The following PRDM10 variants were observed in gnomAD, a reference collection of about 807,000 sequenced individuals.
The protein encoded by PRDM10 is PR/SET domain 10.
In PRDM10, 65 loss-of-function variants were observed where a neutral mutation model predicts 133.1. That is an observed-to-expected ratio of 0.49 (90% confidence interval 0.40 to 0.60). The LOEUF is 0.60. Among genes scored for constraint, PRDM10 ranks in the 20% least tolerant of loss-of-function variants. The probability of loss-of-function intolerance (pLI) is 0.00; values close to 1 mark genes in which losing one functional copy is unlikely to be tolerated. For missense variants in PRDM10, 1,137 were observed against 1,507.1 expected, an observed-to-expected ratio of 0.75 and a Z score of 4.07; for synonymous variants, 582 against 580.4, an observed-to-expected ratio of 1.00 and a Z score of -0.04.
At chr11:129,908,205 C>T (rs569539802) in intron 19 of PRDM10, among the ~76,000 whole-genome samples, 2 of 151,716 alleles carry the variant, frequency 1.3e-5, no homozygotes, top group African/African-American at 4.8e-5. Context: ...ACCATGGTGG[C>T]TTATGCCTGT....
intron 1 of PRDM10, among the ~76,000 whole-genome samples, chr11:129,978,883 G>T (rs950925124): frequency 6.6e-6 from 1 of 152,114 alleles, no homozygotes; most frequent in African/African-American, 2.4e-5. Flanking sequence ...AACAAAGACC[G>T]ATCCTCCCAT....
intron 4 of PRDM10, among the ~76,000 whole-genome samples, chr11:129,953,266 C>G (rs569847943): frequency 6.6e-6 from 1 of 152,138 alleles, no homozygotes; most frequent in South Asian, 2.1e-4. Flanking sequence ...GCATGATCCA[C>G]TGCACCCAGC....
At chr11:129,962,750 T>C (rs758907054) in intron 1 of PRDM10, among the ~76,000 whole-genome samples, 7 of 152,218 alleles carry the variant, frequency 4.6e-5, no homozygotes, top group Non-Finnish European at 8.8e-5. Context: ...CTTCCTTATA[T>C]AGCAGTACTA....
At chr11:129,931,617 G>C (rs573795348) in intron 10 of PRDM10, among the ~76,000 whole-genome samples, 49 of 148,280 alleles carry the variant, frequency 3.3e-4, no homozygotes, top group African/African-American at 1.2e-3. Flanking sequence ...CCCCAGGCTG[G>C]AGTGCAGTGG....
rs889564777 is a variant in PRDM10, at chr11:129,945,214, C to T, written c.521-202G>A. On this transcript the variant is annotated intron_variant, in intron 5 of 20. Transcript: ENST00000360871. The surrounding 1 kb of genome is among the most constrained non-coding windows in gnomAD (Gnocchi z 4.2). Reference sequence around the variant, plus strand: ...CCTGTAATTCTCCTCTAAAATCAGACAGAATTTGCTTATGCCTGCCAAAAA... The same window carrying T: ...CCTGTAATTCTCCTCTAAAATCAGATAGAATTTGCTTATGCCTGCCAAAAA... 6.6e-6 allele frequency among the ~76,000 whole-genome samples: 1 copy of T among 152,192 alleles called. No individual in the cohort carries two copies. The highest frequency in any genetic ancestry group is 2.1e-4 in the South Asian group (1 of 4,826).
In PRDM10 at chr11:129,945,030, T is replaced by C; in HGVS notation, c.521-18A>G. 6.2e-7 allele frequency: 1 copy of C among 1,607,450 alleles called. No individual in the cohort carries two copies. Among genetic ancestry groups the C allele is most frequent in the Non-Finnish European group, 8.5e-7 (1 of 1,178,424 alleles). On this transcript the variant is annotated intron_variant, in intron 5 of 20. Transcript: ENST00000360871. The surrounding 1 kb of genome is among the most constrained non-coding windows in gnomAD (Gnocchi z 4.2). ...CTCACACCCTGCAAAAGAGAGACAG[T>C]CTTGAAGAAAAGTCCAATTCCTCAG...
intron 1 of PRDM10, among the ~76,000 whole-genome samples, chr11:129,986,692 G>C (rs138484275): frequency 6.6e-6 from 1 of 152,152 alleles, no homozygotes; most frequent in African/African-American, 2.4e-5. Flanking sequence ...ATGACTTTGC[G>C]TGGAGGGCAA....
rs143167974 is a variant in PRDM10, at chr11:129,932,174, C to T, written c.1215G>A (p.Pro405=). 1.8e-3 allele frequency: 2,826 copies of T among 1,614,104 alleles called. 4 individuals carry two copies. The highest frequency in any genetic ancestry group is 2.3e-3 in the Non-Finnish European group (2,710 of 1,179,984). The change falls in exon 10 of 21, where the codon CCG becomes CCA. Residue 405 remains proline, a synonymous_variant. Coordinates refer to ENST00000360871, the MANE Select transcript of PRDM10 (RefSeq NM_199437.2). Reference sequence around the variant, plus strand: ...GGCGGATAAATTTTGGAGGACGCCCCGGCCGTCGACCTGGACCGAATCGCC... The same window carrying T: ...GGCGGATAAATTTTGGAGGACGCCCTGGCCGTCGACCTGGACCGAATCGCC... ...GKRRFGPGRR[P]GRPPKFIRLE...
At chr11:129,979,012 C>T (rs1008951233) in intron 1 of PRDM10, among the ~76,000 whole-genome samples, 3 of 152,058 alleles carry the variant, frequency 2.0e-5, no homozygotes, top group Non-Finnish European at 2.9e-5. Context: ...GGTCCTAGCC[C>T]GACAATCCTA....
At chr11:129,977,091 G>T (rs556927286) in intron 1 of PRDM10, among the ~76,000 whole-genome samples, 1 of 151,924 alleles carries the variant, frequency 6.6e-6, no homozygotes, top group African/African-American at 2.4e-5. Context: ...ACACCTTACA[G>T]AGAAAGAAGA....
intron 6 of PRDM10, among the ~76,000 whole-genome samples, chr11:129,944,548 G>T (rs557542524): frequency 4.7e-5 from 7 of 149,468 alleles, no homozygotes; most frequent in South Asian, 2.1e-4. Flanking sequence ...TCGCGCCACT[G>T]CACTCCAGCC....
chr11:130,002,656 C>G (rs938366063), intron 1 of PRDM10, 66 bp downstream of exon 1: 3 of 153,262 alleles, frequency 2.0e-5, no homozygotes, highest in Non-Finnish European at 4.4e-5. Flanking sequence ...GACGAAACAC[C>G]CTCCCAGTCT....
chr11:129,977,295 CACACAT>C (rs1211470550), intron 1 of PRDM10, among the ~76,000 whole-genome samples: 55 of 147,428 alleles, frequency 3.7e-4, no homozygotes, highest in African/African-American at 1.2e-3. Flanking sequence ...CACACACACA[CACACAT>C]TGAGATGCAG....
In PRDM10 at chr11:129,955,539, A is replaced by G. The variant is rs748704416; in HGVS notation, c.267T>C (p.Tyr89=). Residue 89 remains tyrosine, a synonymous_variant, in exon 4 of 21, where the codon TAT becomes TAC. Transcript: ENST00000360871. ...TLFTDPGQVA[Y]VQQDATAQQA... ...GCTGAGCTGTAGCATCCTGTTGGAC[A>G]TAAGCTACCTGGCCGGGGTCTGTAA... 5.0e-6 allele frequency: 8 copies of G among 1,614,136 alleles called. No individual in the cohort carries two copies. In the Admixed American group the frequency reaches 5.0e-5, roughly 10 times the overall value.
chr11:129,944,514 G>T (rs560791515), intron 6 of PRDM10, among the ~76,000 whole-genome samples: 1 of 151,606 alleles, frequency 6.6e-6, no homozygotes, highest in Non-Finnish European at 1.5e-5. Flanking sequence ...GAACCCGGAA[G>T]GCGGAGCTTG....
At chr11:129,920,121 G>T (rs1490333782) in intron 13 of PRDM10, among the ~76,000 whole-genome samples, 1 of 151,928 alleles carries the variant, frequency 6.6e-6, no homozygotes, top group Admixed American at 6.6e-5. Context: ...TTTTTTCTAA[G>T]CATCAACATT....
At chr11:129,925,845 G>A (rs1950663707) in intron 11 of PRDM10, among the ~76,000 whole-genome samples, 1 of 152,314 alleles carries the variant, frequency 6.6e-6, no homozygotes, top group East Asian at 1.9e-4. Context: ...TGATGAAAGT[G>A]TGCTGGAATT....
At chr11:129,953,077 G>A (rs527753774) in intron 4 of PRDM10, among the ~76,000 whole-genome samples, 11 of 151,966 alleles carry the variant, frequency 7.2e-5, no homozygotes, top group East Asian at 1.9e-4. Flanking sequence ...AGGTTCAAGC[G>A]ATTCTCCTGC....
intron 20 of PRDM10, among the ~76,000 whole-genome samples, chr11:129,903,313 A>AATAATAATAATG (rs1949902663): frequency 7.0e-6 from 1 of 142,638 alleles, no homozygotes; most frequent in Non-Finnish European, 1.5e-5. Flanking sequence ...TAATAATAAT[A>AATAATAATAATG]ATAATAATAA....
Sources: allele counts gnomAD v4.1 joint callset (sites outside exome capture counted in the v4.1 genomes callset), GRCh38; gene constraint gnomAD v4.1.1; non-coding constraint Gnocchi (gnomAD v3.1); transcripts MANE v1.5; gene names NCBI Gene and HGNC (gene_info 2026-07-23, HGNC 2026-07-21).